TSPAN5: variants seen among roughly 807,000 people sequenced by gnomAD.
The protein encoded by TSPAN5 is tetraspanin-5.
A neutral mutation model predicts 37.1 loss-of-function variants in TSPAN5; 10 were observed. That is an observed-to-expected ratio of 0.27 (90% CI 0.17 to 0.46). TSPAN5 has a LOEUF of 0.46. Among genes scored for constraint, TSPAN5 ranks in the 20% least tolerant of loss-of-function variants. The pLI is 1.00. For missense variants in TSPAN5, 195 were observed against 326.6 expected (o/e 0.60, Z 3.11); for synonymous variants, 110 against 118.9 (o/e 0.93, Z 0.48).
chr4:98,600,092 T>C (rs1755849724), intron 1 of TSPAN5, among the ~76,000 whole-genome samples: 1 of 152,222 alleles, frequency 6.6e-6, no homozygotes, highest in Admixed American at 6.5e-5. Context: ...TATACTATAC[T>C]GCATCTAGTA....
intron 1 of TSPAN5, among the ~76,000 whole-genome samples, chr4:98,645,193 A>G (rs146233969): frequency 4.5e-3 from 683 of 152,312 alleles, no homozygotes; most frequent in Non-Finnish European, 6.6e-3. Flanking sequence ...AACACTTGCT[A>G]CACTTGTTAA....
chr4:98,606,748 T>C (rs1756047798), intron 1 of TSPAN5, among the ~76,000 whole-genome samples: 1 of 152,222 alleles, frequency 6.6e-6, no homozygotes, highest in Non-Finnish European at 1.5e-5. Context: ...GTGACTCTTT[T>C]TGAAGAAAAG....
chr4:98,521,522 T>C (rs1029414229), intron 1 of TSPAN5, among the ~76,000 whole-genome samples: 4 of 152,236 alleles, frequency 2.6e-5, no homozygotes, highest in African/African-American at 7.2e-5. Flanking sequence ...GTCCTATGTG[T>C]CTGCCCCAGC....
chr4:98,472,370 C>T lies in TSPAN5; in HGVS notation c.*152G>A, dbSNP rs1342057566. 1.9e-5 allele frequency: 10 copies of T among 524,442 alleles called. No homozygotes were observed. Among genetic ancestry groups the T allele is most frequent in the Non-Finnish European group, 3.3e-5 (10 of 304,126 alleles). The allele number at this position is 524,442 out of a possible 1,614,324, so 32.5% of individuals were successfully genotyped here. On this transcript the variant is annotated 3_prime_UTR_variant, in exon 8 of 8. Coordinates refer to ENST00000305798, the MANE Select transcript of TSPAN5 (RefSeq NM_005723.4). ...AATTCTGTCAGTGAGCAGCATTTCC[C>T]AGTTTTACACTCCCCTAATGGCAGC...
chr4:98,498,750 G>C lies in TSPAN5; in HGVS notation c.132+8928C>G, dbSNP rs4529058. Among the ~76,000 whole-genome samples the C allele has an allele frequency of 2.8e-4, 42 of 152,300 alleles. 1 individual carries two copies. In the East Asian group the frequency reaches 7.7e-3, roughly 28 times the overall value. ...AGCTCTGAAGTGGTTCTCTGCACTTGACCCGCACAGCCATTAGGGCCCGAC... is the reference window on the plus strand; with the variant it reads ...AGCTCTGAAGTGGTTCTCTGCACTTCACCCGCACAGCCATTAGGGCCCGAC... On this transcript the variant is annotated intron_variant, in intron 2 of 7. Coordinates refer to ENST00000305798, the MANE Select transcript of TSPAN5 (RefSeq NM_005723.4).
chr4:98,500,130 T>C (rs1181837105), intron 2 of TSPAN5: 1 of 152,232 alleles, frequency 6.6e-6, no homozygotes, highest in Non-Finnish European at 1.5e-5. Context: ...TCTATTTTTT[T>C]CTGCTCAAGT....
At chr4:98,615,474 A>G (rs1560560684) in intron 1 of TSPAN5, among the ~76,000 whole-genome samples, 1 of 152,242 alleles carries the variant, frequency 6.6e-6, no homozygotes, top group Non-Finnish European at 1.5e-5. Flanking sequence ...TCTCAAATGC[A>G]GAGATTTCCG....
intron 1 of TSPAN5, among the ~76,000 whole-genome samples, chr4:98,565,632 G>T (rs979905613): frequency 1.8e-4 from 27 of 152,088 alleles, no homozygotes; most frequent in African/African-American, 5.6e-4. Context: ...ATTAAATTTG[G>T]ACTGCTTAAA....
chr4:98,525,205 G>A (rs1194920519), intron 1 of TSPAN5, among the ~76,000 whole-genome samples: 3 of 152,194 alleles, frequency 2.0e-5, no homozygotes, highest in Non-Finnish European at 2.9e-5. Context: ...TCAAAACTGG[G>A]CTCCAAATGT....
intron 1 of TSPAN5, among the ~76,000 whole-genome samples, chr4:98,657,118 C>G (rs1013235572): frequency 6.6e-6 from 1 of 152,216 alleles, no homozygotes; most frequent in Non-Finnish European, 1.5e-5. Flanking sequence ...AGAAAAATAA[C>G]ATGGTCTTTG....
At chr4:98,618,986 G>A (rs1353681993) in intron 1 of TSPAN5, among the ~76,000 whole-genome samples, 1 of 152,148 alleles carries the variant, frequency 6.6e-6, no homozygotes, top group African/African-American at 2.4e-5. Context: ...GAGCCAAGGA[G>A]AAGGGAAAGA....
At chr4:98,592,578 C>T (rs1438390185) in intron 1 of TSPAN5, among the ~76,000 whole-genome samples, 1 of 114,674 alleles carries the variant, frequency 8.7e-6, no homozygotes, top group Non-Finnish European at 1.8e-5. Flanking sequence ...CAATGCTATC[C>T]CTCCCCCCTC....
rs948037066 is a variant in TSPAN5, at chr4:98,494,208, G to A, written c.133-7324C>T. On this transcript the variant is annotated intron_variant, in intron 2 of 7. Coordinates refer to ENST00000305798, the MANE Select transcript of TSPAN5 (RefSeq NM_005723.4). ...CACTTAGACTAGCCTGCTCTAGAGT[G>A]GGGCAGAGAGAGCATTCCAGAATCA... 2.0e-5 allele frequency among the ~76,000 whole-genome samples: 3 copies of A among 152,070 alleles called. No homozygotes were observed. The South Asian group carries it at 6.2e-4, about 32-fold the overall frequency.
At chr4:98,627,379 C>T (rs1756631917) in intron 1 of TSPAN5, among the ~76,000 whole-genome samples, 1 of 151,914 alleles carries the variant, frequency 6.6e-6, no homozygotes, top group Middle Eastern at 3.4e-3. Context: ...AGTATTTTTG[C>T]CATTTTCCTG....
At chr4:98,542,622 G>C (rs921930839) in intron 1 of TSPAN5, among the ~76,000 whole-genome samples, 1 of 151,434 alleles carries the variant, frequency 6.6e-6, no homozygotes, top group Admixed American at 6.6e-5. Flanking sequence ...AGAAGACTGA[G>C]GCAGGAGGAT....
intron 1 of TSPAN5, among the ~76,000 whole-genome samples, chr4:98,530,656 T>C (rs1438987750): frequency 6.6e-6 from 1 of 152,100 alleles, no homozygotes; most frequent in Non-Finnish European, 1.5e-5. Context: ...TCTAGTCTAG[T>C]TTTTTCATTT....
chr4:98,561,640 C>T lies in TSPAN5; in HGVS notation c.82-53912G>A, dbSNP rs368295715. On this transcript the variant is annotated intron_variant, in intron 1 of 7. Transcript: ENST00000305798. ...GGTGGATATTCTTGGCAGTGGAAAG[C>T]GTATAAGCAAAGAAAGGAAGAAAAT... Among the ~76,000 whole-genome samples, 7 of 152,104 alleles carry T rather than the reference C, an allele frequency of 4.6e-5. No homozygotes were observed. In the South Asian group the frequency reaches 8.3e-4, roughly 18 times the overall value.
At chr4:98,475,968 C>T (rs1040641569) in intron 7 of TSPAN5, among the ~76,000 whole-genome samples, 5 of 150,820 alleles carry the variant, frequency 3.3e-5, no homozygotes, top group East Asian at 1.9e-4. Flanking sequence ...CTAGCCTGGG[C>T]GACAGAGCAA....
At chr4:98,581,768 A>G (rs1560546087) in intron 1 of TSPAN5, among the ~76,000 whole-genome samples, 1 of 152,206 alleles carries the variant, frequency 6.6e-6, no homozygotes, top group Non-Finnish European at 1.5e-5. Context: ...AATATTTCAA[A>G]GTAACCTGCG....
Sources: allele counts gnomAD v4.1 joint callset (sites outside exome capture counted in the v4.1 genomes callset), GRCh38; gene constraint gnomAD v4.1.1; transcripts MANE v1.5; gene names NCBI Gene and HGNC (gene_info 2026-07-23, HGNC 2026-07-21).